Variants in ETFB observed in about 807,000 individuals in gnomAD.
ETFB encodes the protein beta-ETF.
A neutral mutation model predicts 25.6 loss-of-function variants in ETFB; 20 were observed. The ratio of observed to expected loss-of-function variants is 0.78; its 90% CI spans 0.55 to 1.14. The LOEUF (loss-of-function observed/expected upper bound fraction) is 1.14, where lower values mean the gene tolerates loss of function less well. ETFB is among the 50% of genes most tolerant of loss of function. The pLI is 0.00. For missense variants in ETFB, 286 were observed against 342.6 expected (o/e 0.83, Z 1.30); for synonymous variants, 142 against 146.7 (o/e 0.97, Z 0.23).
chr19:51,348,780 T>G (rs529187711), intron 4 of ETFB, among the ~76,000 whole-genome samples: 149 of 152,370 alleles, frequency 9.8e-4, no homozygotes, highest in Non-Finnish European at 1.6e-3. Flanking sequence ...ACTTTTAAGT[T>G]TGTTTTGAAC....
intron 1 of ETFB, among the ~76,000 whole-genome samples, chr19:51,359,197 G>A (rs1327311252): frequency 2.0e-5 from 3 of 151,410 alleles, no homozygotes; most frequent in Non-Finnish European, 4.4e-5. Flanking sequence ...GACCACAGGC[G>A]GGCACCATCA....
chr19:51,350,289 G>A, intron 4 of ETFB, 40 bp downstream of exon 4: 1 of 1,593,650 alleles, frequency 6.3e-7, no homozygotes, highest in Non-Finnish European at 8.5e-7. Flanking sequence ...TGAGGGATGA[G>A]GGCCTGGCCC....
chr19:51,353,085 C>A (rs370389778), intron 3 of ETFB, 47 bp downstream of exon 3: 2 of 1,611,304 alleles, frequency 1.2e-6, no homozygotes, highest in Non-Finnish European at 1.7e-6. Flanking sequence ...ACCCTCCTCC[C>A]GAGCAGGGAT....
At chr19:51,362,839 C>G (rs1424868620) in intron 1 of ETFB, among the ~76,000 whole-genome samples, 1 of 152,112 alleles carries the variant, frequency 6.6e-6, no homozygotes, top group Admixed American at 6.5e-5. Flanking sequence ...CTGTCTCCCC[C>G]ACACCTGGAG....
At chr19:51,352,723 G>A (rs1471815479) in intron 3 of ETFB, among the ~76,000 whole-genome samples, 1 of 152,086 alleles carries the variant, frequency 6.6e-6, no homozygotes, top group Non-Finnish European at 1.5e-5. Context: ...CGCCTCCCAG[G>A]TTCCAGTGAT....
At chr19:51,362,162 TACAC>T (rs59581815) in intron 1 of ETFB, among the ~76,000 whole-genome samples, 18,519 of 144,356 alleles carry the variant, frequency 0.13, 1,503 homozygotes, top group East Asian at 0.4. Flanking sequence ...CGGACACACA[TACAC>T]ACACACACAC....
intron 1 of ETFB, among the ~76,000 whole-genome samples, chr19:51,360,598 C>T (rs1986196580): frequency 6.6e-6 from 1 of 152,110 alleles, no homozygotes; most frequent in Admixed American, 6.6e-5. Context: ...GCCAGGGCCA[C>T]TGAGCATGGA....
chr19:51,346,813 C>T, intron 5 of ETFB, 87 bp downstream of exon 5: 1 of 1,347,724 alleles, frequency 7.4e-7, no homozygotes, highest in Non-Finnish European at 1.0e-6. Context: ...GGATCCTTCC[C>T]TCCCCACGTG....
At chr19:51,348,015 G>A (rs1430905443) in intron 4 of ETFB, 1 of 152,248 alleles carries the variant, frequency 6.6e-6, no homozygotes, top group African/African-American at 2.4e-5. Flanking sequence ...AGATAAAACA[G>A]GATAATGGTT....
chr19:51,350,794 T>C (rs1200646497), intron 3 of ETFB, among the ~76,000 whole-genome samples: 1 of 152,174 alleles, frequency 6.6e-6, no homozygotes, highest in Non-Finnish European at 1.5e-5. Context: ...TTTTCTATGG[T>C]GGAACAGATG....
chr19:51,351,036 A>T (rs1236573292), intron 3 of ETFB, among the ~76,000 whole-genome samples: 1 of 152,256 alleles, frequency 6.6e-6, no homozygotes, highest in African/African-American at 2.4e-5. Context: ...GTCCAGGGAC[A>T]TGTGGGGCCA....
chr19:51,346,761 C>T (rs1036218927), intron 5 of ETFB, 139 bp downstream of exon 5: 1 of 822,774 alleles, frequency 1.2e-6, no homozygotes, highest in African/African-American at 1.7e-5. Context: ...TCTCTATCAG[C>T]CAAACTCCAG....
chr19:51,358,831 CAAA>C (rs112821668), intron 1 of ETFB, among the ~76,000 whole-genome samples: 5 of 134,184 alleles, frequency 3.7e-5, no homozygotes, highest in South Asian at 2.5e-4. Context: ...CAAACAACAA[CAAA>C]AAAAAAAAAA....
intron 1 of ETFB, among the ~76,000 whole-genome samples, chr19:51,364,134 G>C (rs1986294982): frequency 1.3e-5 from 2 of 152,250 alleles, no homozygotes; most frequent in Middle Eastern, 6.8e-3. Flanking sequence ...GAGACTGGGA[G>C]TGAGGGAGGA....
At position 51,347,003 on chromosome 19, in the gene ETFB, TC is replaced by T; in HGVS notation, c.493del (p.Glu165ArgfsTer11). The T allele has an allele frequency of 6.2e-7, 1 of 1,612,830 alleles. No individual in the cohort carries two copies. Among genetic ancestry groups the T allele is most frequent in the Non-Finnish European group, 8.5e-7 (1 of 1,179,584 alleles). On this transcript the variant is annotated frameshift_variant, in exon 5 of 6. Coordinates refer to ENST00000309244, the MANE Select transcript of ETFB (RefSeq NM_001985.3). LOFTEE classifies it high-confidence loss of function. ...LEGDKLKVEREIDGGLETLRL... is the reference protein window; with the variant it reads ...LEGDKLKVERXIDGGLETLRL... Reference sequence around the variant, plus strand: ...CAGGGTCTCCAGGCCCCCATCGATCTCCCGCTCCACTTTCAACTTGTCCCCC... The same window carrying T: ...CAGGGTCTCCAGGCCCCCATCGATCTCCGCTCCACTTTCAACTTGTCCCCC...
chr19:51,350,098 A>G lies in ETFB; in HGVS notation c.438+231T>C, dbSNP rs4802787. The G allele has an allele frequency of 0.85, 423,172 of 498,050 alleles. 181,739 individuals carry two copies. The highest frequency in any genetic ancestry group is 0.96 in the African/African-American group (48,947 of 51,226). 30.9% of individuals were successfully genotyped at this position (498,050 alleles called of 1,614,324 possible). ...GGCAGAGATGGGGACTGGGGAACCT[A>G]GAGTTGAGCGGGTGGGCATGAGTAT... On this transcript the variant is annotated intron_variant, in intron 4 of 5. Transcript: ENST00000309244.
At chr19:51,360,030 A>T (rs926888456) in intron 1 of ETFB, among the ~76,000 whole-genome samples, 7 of 151,790 alleles carry the variant, frequency 4.6e-5, no homozygotes, top group Non-Finnish European at 8.8e-5. Context: ...AAAAAAAAAA[A>T]GTTTTATAAT....
chr19:51,364,544 G>A (rs138954854), intron 1 of ETFB, among the ~76,000 whole-genome samples: 37 of 152,310 alleles, frequency 2.4e-4, no homozygotes, highest in African/African-American at 8.9e-4. Flanking sequence ...CACCATGGGG[G>A]AGACGGATCC....
chr19:51,347,162 A>T (rs1050267941), intron 4 of ETFB, 104 bp from the exon 5 acceptor site: 15 of 1,177,376 alleles, frequency 1.3e-5, no homozygotes, highest in Non-Finnish European at 1.7e-5. Context: ...CTAGTGAATG[A>T]ATGAGGGAGC....
Sources: allele counts gnomAD v4.1 joint callset (sites outside exome capture counted in the v4.1 genomes callset), GRCh38; gene constraint gnomAD v4.1.1; transcripts MANE v1.5; gene names NCBI Gene and HGNC (gene_info 2026-07-23, HGNC 2026-07-21).